Variants in RFC4 observed in about 807,000 individuals in gnomAD.
The protein encoded by RFC4 is replication factor C subunit 4.
In RFC4, 38 loss-of-function variants were observed where a neutral mutation model predicts 47.6. The ratio of observed to expected loss-of-function variants is 0.80; its 90% CI spans 0.62 to 1.05. The LOEUF (loss-of-function observed/expected upper bound fraction) is 1.05, where lower values mean the gene tolerates loss of function less well. RFC4 is among the 50% of genes least tolerant of loss of function. The probability of loss-of-function intolerance (pLI) is 0.00; values close to 1 mark genes in which losing one functional copy is unlikely to be tolerated. For synonymous variants in RFC4, 164 were observed against 150.0 expected (o/e 1.09, Z -0.68); for missense variants, 489 against 434.0 (o/e 1.13, Z -1.13).
At chr3:186,797,424 A>G in intron 4 of RFC4, 111 bp downstream of exon 4, 1 of 705,874 alleles carries the variant, frequency 1.4e-6, no homozygotes. Flanking sequence ...TCAGAAATAG[A>G]AAACTATCCT....
intron 2 of RFC4, among the ~76,000 whole-genome samples, chr3:186,803,534 C>T (rs779203500): frequency 6.6e-6 from 1 of 151,930 alleles, no homozygotes; most frequent in African/African-American, 2.4e-5. Context: ...GACAGAGTCT[C>T]GTTCTGTCAC....
intron 8 of RFC4, among the ~76,000 whole-genome samples, chr3:186,790,912 G>C (rs55758792): frequency 6.7e-6 from 1 of 150,306 alleles, no homozygotes; most frequent in Non-Finnish European, 1.5e-5. Context: ...AAACGTCATA[G>C]AAACAAAGAG....
In RFC4 at chr3:186,801,194, G is replaced by T; in HGVS notation, c.133C>A (p.Arg45Ser). 6.2e-7 allele frequency: 1 copy of T among 1,613,546 alleles called. No individual in the cohort carries two copies. Among genetic ancestry groups the T allele is most frequent in the South Asian group, 1.1e-5 (1 of 91,072 alleles). ...AKPVPWVEKY[R>S]PKCVDEVAFQ... Reference sequence around the variant, plus strand: ...GCAACTTCATCCACACATTTTGGGCGACTTGCGGGGTGAGAAGGAGGAAAG... The same window carrying T: ...GCAACTTCATCCACACATTTTGGGCTACTTGCGGGGTGAGAAGGAGGAAAG... The change falls in exon 3 of 11, where the codon CGC becomes AGC. Residue 45 changes from arginine to serine, a missense_variant and splice_region_variant. This residue lies in a region of RFC4 where 206 missense variants were observed against 257.8 expected (regional missense o/e 0.80). Coordinates refer to ENST00000296273, the MANE Select transcript of RFC4 (RefSeq NM_002916.5).
chr3:186,804,774 G>A, intron 1 of RFC4, 50 bp from the exon 2 acceptor site: 2 of 1,566,256 alleles, frequency 1.3e-6, no homozygotes, highest in South Asian at 2.3e-5. Flanking sequence ...AACTTTTATT[G>A]CGAATCAGCA....
In RFC4 at chr3:186,790,407, C is replaced by G; in HGVS notation, c.802-1G>C. The G allele has an allele frequency of 6.2e-7, 1 of 1,606,912 alleles. No homozygotes were observed. Among genetic ancestry groups the G allele is most frequent in the South Asian group, 1.1e-5 (1 of 90,902 alleles). On this transcript the variant is annotated splice_acceptor_variant, in intron 8 of 10. Coordinates refer to ENST00000296273, the MANE Select transcript of RFC4 (RefSeq NM_002916.5). LOFTEE classifies it high-confidence loss of function. ...CATCAATTTTCTCAGCTGGTATTAC[C>G]TAGGTAATTGAATGTTCGGTATTAA...
intron 5 of RFC4, 61 bp downstream of exon 5, chr3:186,794,597 T>C (rs1722205907): frequency 4.6e-6 from 7 of 1,514,634 alleles, no homozygotes; most frequent in African/African-American, 1.4e-5. Context: ...TGAGGAGCGA[T>C]GGCAGAAATA....
intron 7 of RFC4, among the ~76,000 whole-genome samples, chr3:186,792,075 CATA>C (rs938048087): frequency 6.6e-6 from 1 of 152,116 alleles, no homozygotes; most frequent in African/African-American, 2.4e-5. Flanking sequence ...AAAAATGTTC[CATA>C]TTTATCCCAT....
At chr3:186,798,791 G>C (rs1722295269) in intron 3 of RFC4, among the ~76,000 whole-genome samples, 1 of 152,082 alleles carries the variant, frequency 6.6e-6, no homozygotes, top group African/African-American at 2.4e-5. Flanking sequence ...TCTCATTAGT[G>C]TTTGTTGCAT....
chr3:186,790,427 T>C lies in RFC4; in HGVS notation c.802-21A>G, dbSNP rs1228068638. On this transcript the variant is annotated intron_variant, in intron 8 of 10. Coordinates refer to ENST00000296273, the MANE Select transcript of RFC4 (RefSeq NM_002916.5). ...ATTACCTAGGTAATTGAATGTTCGG[T>C]ATTAAAGATGTTTCTAGGTGAGACT... The C allele has an allele frequency of 3.8e-6, 6 of 1,559,320 alleles. No individual in the cohort carries two copies. The African/African-American group carries it at 8.1e-5, about 21-fold the overall frequency.
chr3:186,801,185 AT>A lies in RFC4; in HGVS notation c.141del (p.Lys47AsnfsTer16), dbSNP rs1431017379. On this transcript the variant is annotated frameshift_variant, in exon 3 of 11. Coordinates refer to ENST00000296273, the MANE Select transcript of RFC4 (RefSeq NM_002916.5). LOFTEE classifies it high-confidence loss of function. ...TCCTGGAAAGCAACTTCATCCACAC[AT>A]TTTGGGCGACTTGCGGGGTGAGAAG... is the stretch of plus-strand genomic sequence containing the variant. ...PVPWVEKYRP[K>X]CVDEVAFQEE... 2 of 1,613,948 alleles carry A rather than the reference AT, an allele frequency of 1.2e-6. No homozygotes were observed. Among genetic ancestry groups the A allele is most frequent in the Non-Finnish European group, 1.7e-6 (2 of 1,179,958 alleles).
rs868227239 is a variant in RFC4, at chr3:186,790,333, AC to A, written c.874del (p.Val292TrpfsTer5). ...QSGSFDKLEAVVKDLIDEGHA... is the reference protein window; with the variant it reads ...QSGSFDKLEAXVKDLIDEGHA... ...TTAGTAAGCTGACTTTACCTTGACCACAGCTTCTAGTTTGTCAAAAGAGCCA... is the reference window on the plus strand; with the variant it reads ...TTAGTAAGCTGACTTTACCTTGACCAAGCTTCTAGTTTGTCAAAAGAGCCA... On this transcript the variant is annotated frameshift_variant, in exon 9 of 11. Transcript: ENST00000296273. LOFTEE classifies it high-confidence loss of function. The A allele has an allele frequency of 6.2e-7, 1 of 1,613,590 alleles. No individual in the cohort carries two copies. Among genetic ancestry groups the A allele is most frequent in the African/African-American group, 1.3e-5 (1 of 74,934 alleles).
chr3:186,801,926 G>A (rs965422129), intron 2 of RFC4, among the ~76,000 whole-genome samples: 3 of 149,822 alleles, frequency 2.0e-5, no homozygotes. Context: ...GGGAGGCTGA[G>A]GAAGGAGAAG....
chr3:186,801,201 G>C lies in RFC4; in HGVS notation c.132-6C>G. The C allele has an allele frequency of 2.5e-6, 4 of 1,611,612 alleles. No individual in the cohort carries two copies. Among genetic ancestry groups the C allele is most frequent in the Non-Finnish European group, 3.4e-6 (4 of 1,177,746 alleles). On this transcript the variant is annotated splice_region_variant and splice_polypyrimidine_tract_variant and intron_variant, in intron 2 of 10. Coordinates refer to ENST00000296273, the MANE Select transcript of RFC4 (RefSeq NM_002916.5). ...CATCCACACATTTTGGGCGACTTGC[G>C]GGGTGAGAAGGAGGAAAGAGGTTAT...
chr3:186,805,599 CTG>C (rs1722461229), intron 1 of RFC4: 2 of 152,186 alleles, frequency 1.3e-5, no homozygotes, highest in East Asian at 3.9e-4. Flanking sequence ...GTGGGGGACT[CTG>C]TTGTTAAAAT....
intron 3 of RFC4, among the ~76,000 whole-genome samples, chr3:186,800,817 G>T (rs1330990092): frequency 6.6e-6 from 1 of 151,958 alleles, no homozygotes; most frequent in Non-Finnish European, 1.5e-5. Context: ...AAAAACCCAT[G>T]AAAAAAGGGG....
At position 186,792,472 on chromosome 3, in the gene RFC4, G is replaced by A. The variant is rs1209524298; in HGVS notation, c.675+18C>T. 6.3e-7 allele frequency: 1 copy of A among 1,597,254 alleles called. No individual in the cohort carries two copies. Among genetic ancestry groups the A allele is most frequent in the East Asian group, 2.2e-5 (1 of 44,754 alleles). The stretch of plus-strand genomic sequence containing the variant: ...AAAGGAATTAGTAACTCTAATAATT[G>A]TAATAATTAGTAATTACCTCATCAC... On this transcript the variant is annotated intron_variant, in intron 7 of 10. Coordinates refer to ENST00000296273, the MANE Select transcript of RFC4 (RefSeq NM_002916.5).
At chr3:186,800,602 T>C (rs868449499) in intron 3 of RFC4, among the ~76,000 whole-genome samples, 1 of 152,220 alleles carries the variant, frequency 6.6e-6, no homozygotes, top group East Asian at 1.9e-4. Flanking sequence ...TATCCATGGA[T>C]ACTTTATCCC....
At chr3:186,802,476 G>A (rs1722378941) in intron 2 of RFC4, among the ~76,000 whole-genome samples, 2 of 152,182 alleles carry the variant, frequency 1.3e-5, no homozygotes, top group Non-Finnish European at 2.9e-5. Flanking sequence ...ACTGGTTAAT[G>A]CCAATTTTTT....
rs747875532 is a variant in RFC4, at chr3:186,794,752, G to C, written c.316C>G (p.Leu106Val). 6.2e-7 allele frequency: 1 copy of C among 1,613,854 alleles called. No homozygotes were observed. Among genetic ancestry groups the C allele is most frequent in the South Asian group, 1.1e-5 (1 of 91,028 alleles). The change falls in exon 5 of 11, where the codon CTT becomes GTT. Residue 106 changes from leucine to valine, a missense_variant. By Grantham distance (32) the Leu-to-Val change is conservative. This residue lies in a region of RFC4 where 206 missense variants were observed against 257.8 expected (regional missense o/e 0.80). Coordinates refer to ENST00000296273, the MANE Select transcript of RFC4 (RefSeq NM_002916.5). ...CGTTCATCAGATGCATTTAACTCAA[G>C]AACTCTTAATCGGAAAAGTTCAGGC... ...FGPELFRLRV[L>V]ELNASDERGI...
Sources: gnomAD v4.1 joint callset for allele counts (sites outside exome capture counted in the v4.1 genomes callset) on GRCh38, gnomAD v4.1.1 for gene constraint, gnomAD v4.1.1 regional missense constraint, MANE v1.5 for transcripts, NCBI Gene and HGNC (gene_info 2026-07-23, HGNC 2026-07-21) for gene names.